Variants in IQCM observed in about 807,000 individuals in gnomAD.
IQCM encodes the protein IQ domain-containing protein M.
IQCM carries 45 observed loss-of-function variants against 57.6 expected under a neutral mutation model. That is an observed-to-expected ratio of 0.78 (90% CI 0.62 to 1.00). IQCM has a LOEUF of 1.00. Ranked by LOEUF, IQCM falls within the 50% of genes least tolerant of loss-of-function variation. The probability of loss-of-function intolerance (pLI) is 0.00; values close to 1 mark genes in which losing one functional copy is unlikely to be tolerated. For synonymous variants in IQCM, 148 were observed against 158.9 expected (o/e 0.93, Z 0.51); for missense variants, 468 against 511.6 (o/e 0.91, Z 0.82).
At chr4:149,511,209 A>G (rs1357631920) in intron 12 of IQCM, among the ~76,000 whole-genome samples, 1 of 152,090 alleles carries the variant, frequency 6.6e-6, no homozygotes, top group African/African-American at 2.4e-5. Context: ...ATACCAACTT[A>G]CATATCACTT....
At chr4:149,700,685 G>C (rs1010688553) in intron 5 of IQCM, among the ~76,000 whole-genome samples, 1 of 152,022 alleles carries the variant, frequency 6.6e-6, no homozygotes, top group Non-Finnish European at 1.5e-5. Context: ...AGTAGACTCA[G>C]CTGCCTGACC....
chr4:149,706,659 G>A (rs1764182465), intron 5 of IQCM, among the ~76,000 whole-genome samples: 2 of 151,952 alleles, frequency 1.3e-5, no homozygotes, highest in Admixed American at 1.3e-4. Context: ...TAATGTGAAG[G>A]TAGTAAGCTT....
At chr4:149,391,517 T>C (rs899095358) in intron 13 of IQCM, among the ~76,000 whole-genome samples, 5 of 151,914 alleles carry the variant, frequency 3.3e-5, no homozygotes, top group African/African-American at 1.2e-4. Flanking sequence ...ACATTCATTA[T>C]TTCCTTTCTT....
At chr4:149,362,359 AG>A (rs1369908436) in intron 13 of IQCM, among the ~76,000 whole-genome samples, 1 of 152,098 alleles carries the variant, frequency 6.6e-6, no homozygotes, top group Non-Finnish European at 1.5e-5. Flanking sequence ...TGGAGGGGCC[AG>A]GGGTGGAATG....
intron 2 of IQCM, among the ~76,000 whole-genome samples, chr4:149,768,768 T>C (rs370509567): frequency 1.5e-4 from 23 of 152,042 alleles, no homozygotes; most frequent in African/African-American, 4.8e-4. Context: ...GGCAACTGAA[T>C]CACATAATTA....
intron 5 of IQCM, among the ~76,000 whole-genome samples, chr4:149,724,522 C>T (rs1580129152): frequency 6.6e-6 from 1 of 151,776 alleles, no homozygotes; most frequent in African/African-American, 2.4e-5. Context: ...TATGTAGAGA[C>T]TCTCCCACAC....
At chr4:149,625,318 T>C (rs1182963713) in intron 7 of IQCM, among the ~76,000 whole-genome samples, 5 of 152,234 alleles carry the variant, frequency 3.3e-5, no homozygotes, top group African/African-American at 9.6e-5. Context: ...TAATAAGTTG[T>C]TTCCAAAAGG....
At chr4:149,797,864 TAA>T (rs1479813542) in intron 2 of IQCM, among the ~76,000 whole-genome samples, 5 of 150,484 alleles carry the variant, frequency 3.3e-5, no homozygotes, top group Admixed American at 6.6e-5. Context: ...GAAGGAGAAA[TAA>T]AGACTTTCCC....
In IQCM at chr4:149,745,564, A is replaced by T. The variant is rs1029566390; in HGVS notation, c.-48-2825T>A. Among the ~76,000 whole-genome samples, 57 of 152,142 alleles carry T rather than the reference A, an allele frequency of 3.7e-4. 1 individual carries two copies. The highest frequency in any genetic ancestry group is 1.3e-4 in the Non-Finnish European group (9 of 68,034). On this transcript the variant is annotated intron_variant, in intron 2 of 13. Coordinates refer to ENST00000636793, the MANE Select transcript of IQCM (RefSeq NM_001363507.2). ...CAACTTAAGGCTCTCTGAAACGGTT[A>T]CAGGAATGCTAAGGATTTCTAATTC...
At chr4:149,609,674 A>T (rs1375211397) in intron 8 of IQCM, among the ~76,000 whole-genome samples, 1 of 151,978 alleles carries the variant, frequency 6.6e-6, no homozygotes, top group African/African-American at 2.4e-5. Flanking sequence ...AGCATTTGAC[A>T]AAATTCAGCA....
At chr4:149,419,411 A>G (rs1322202248) in intron 13 of IQCM, among the ~76,000 whole-genome samples, 1 of 152,182 alleles carries the variant, frequency 6.6e-6, no homozygotes, top group African/African-American at 2.4e-5. Flanking sequence ...CTAATTACTA[A>G]GTAGTTCTGG....
intron 13 of IQCM, among the ~76,000 whole-genome samples, chr4:149,369,663 G>A (rs999532458): frequency 1.4e-5 from 2 of 147,576 alleles, no homozygotes; most frequent in Non-Finnish European, 2.9e-5. Flanking sequence ...AATCGCCTAA[G>A]AAGAAATAAT....
At position 149,449,051 on chromosome 4, in the gene IQCM, T is replaced by C. The variant is rs181452136; in HGVS notation, c.1229-15494A>G. On this transcript the variant is annotated intron_variant, in intron 12 of 13. Coordinates refer to ENST00000636793, the MANE Select transcript of IQCM (RefSeq NM_001363507.2). Reference sequence around the variant, plus strand: ...TACAGAAAAATATCCTTCAAGAACATAGATTTAAAAATTCTTAAAAATTTA... The same window carrying C: ...TACAGAAAAATATCCTTCAAGAACACAGATTTAAAAATTCTTAAAAATTTA... Among the ~76,000 whole-genome samples, 176 of 151,520 alleles carry C rather than the reference T, an allele frequency of 1.2e-3. 2 individuals are homozygous for C. The highest frequency in any genetic ancestry group is 4.0e-3 in the African/African-American group (164 of 41,390).
rs1020541997 is a variant in IQCM at position 149,776,482 on chromosome 4, T to C, written c.-48-33743A>G. ...TAACACATTGCTGCATCAATAACTG[T>C]AACCACAAGATACACAGCTAAATTC... On this transcript the variant is annotated intron_variant, in intron 2 of 13. Coordinates refer to ENST00000636793, the MANE Select transcript of IQCM (RefSeq NM_001363507.2). Among the ~76,000 whole-genome samples the C allele has an allele frequency of 2.0e-5, 3 of 152,172 alleles. No individual in the cohort carries two copies. In the South Asian group the frequency reaches 6.2e-4, roughly 31 times the overall value.
intron 12 of IQCM, among the ~76,000 whole-genome samples, chr4:149,508,530 T>G (rs1744067202): frequency 6.6e-6 from 1 of 152,206 alleles, no homozygotes; most frequent in Admixed American, 6.5e-5. Context: ...CAGACTTGCA[T>G]GGGGCCTGTA....
At chr4:149,704,952 G>T (rs1764046616) in intron 5 of IQCM, among the ~76,000 whole-genome samples, 1 of 151,456 alleles carries the variant, frequency 6.6e-6, no homozygotes. Context: ...CATGAGAGCT[G>T]CCCTTAGACA....
chr4:149,562,973 T>C (rs1173088507), intron 10 of IQCM, among the ~76,000 whole-genome samples: 1 of 152,180 alleles, frequency 6.6e-6, no homozygotes, highest in African/African-American at 2.4e-5. Context: ...CCAAATTCCT[T>C]ATTAGCAGTA....
At chr4:149,660,390 TA>T (rs1016041081) in intron 7 of IQCM, among the ~76,000 whole-genome samples, 35 of 152,232 alleles carry the variant, frequency 2.3e-4, no homozygotes, top group Non-Finnish European at 4.0e-4. Flanking sequence ...GGTGGGACTG[TA>T]AACTAGTTCT....
At chr4:149,491,008 G>A (rs547446276) in intron 12 of IQCM, among the ~76,000 whole-genome samples, 1 of 152,032 alleles carries the variant, frequency 6.6e-6, no homozygotes, top group East Asian at 1.9e-4. Flanking sequence ...TGCTCATAAA[G>A]TACGTGAGTG....
Sources: gnomAD v4.1 joint callset for allele counts (sites outside exome capture counted in the v4.1 genomes callset) on GRCh38, gnomAD v4.1.1 for gene constraint, MANE v1.5 for transcripts, NCBI Gene and HGNC (gene_info 2026-07-23, HGNC 2026-07-21) for gene names.